Variants in ZNF277 observed in about 807,000 individuals in gnomAD.
ZNF277 encodes the protein nuclear receptor-interacting factor 4.
In ZNF277, 55 loss-of-function variants were observed where a neutral mutation model predicts 60.7. The observed-to-expected ratio is 0.91, with a 90% CI of 0.73 to 1.13. ZNF277 has a LOEUF of 1.13. Among genes scored for constraint, ZNF277 ranks in the 50% most tolerant of loss-of-function variants. The probability of loss-of-function intolerance (pLI) is 0.00; values close to 1 mark genes in which losing one functional copy is unlikely to be tolerated. For missense variants in ZNF277, 510 were observed against 523.0 expected (o/e 0.98, Z 0.24); for synonymous variants, 178 against 179.3 (o/e 0.99, Z 0.06).
intron 4 of ZNF277, among the ~76,000 whole-genome samples, chr7:112,304,989 A>T (rs1335585232): frequency 2.0e-5 from 3 of 152,134 alleles, no homozygotes; most frequent in African/African-American, 7.2e-5. Context: ...TCCTGTGCTT[A>T]CTGTACTCCA....
At chr7:112,206,854 T>A (rs773992678) in intron 1 of ZNF277, 47 bp downstream of exon 1, 1 of 1,583,646 alleles carries the variant, frequency 6.3e-7, no homozygotes. Context: ...TTCCTTTCTC[T>A]ATGACCGGGT....
intron 1 of ZNF277, among the ~76,000 whole-genome samples, chr7:112,245,783 A>G (rs1046267613): frequency 3.9e-5 from 6 of 152,032 alleles, no homozygotes; most frequent in African/African-American, 9.7e-5. Context: ...ATGACCTCCA[A>G]TGGCCTCATT....
chr7:112,232,867 GCATAT>G (rs1822377838), intron 1 of ZNF277, among the ~76,000 whole-genome samples: 1 of 152,026 alleles, frequency 6.6e-6, no homozygotes, highest in East Asian at 1.9e-4. Context: ...CATTATCTCT[GCATAT>G]TTTGAAAAAG....
intron 1 of ZNF277, among the ~76,000 whole-genome samples, chr7:112,263,856 A>G (rs1369597869): frequency 6.6e-6 from 1 of 152,156 alleles, no homozygotes; most frequent in African/African-American, 2.4e-5. Context: ...AAATGTGCAT[A>G]TAAATATACA....
chr7:112,246,428 A>G (rs1791088225), intron 1 of ZNF277, among the ~76,000 whole-genome samples: 1 of 152,126 alleles, frequency 6.6e-6, no homozygotes, highest in Admixed American at 6.6e-5. Flanking sequence ...CAACCAAGGT[A>G]AGTATATGGC....
At chr7:112,287,122 G>T (rs780771150) in intron 2 of ZNF277, 48 bp downstream of exon 2, 43 of 1,592,142 alleles carry the variant, frequency 2.7e-5, no homozygotes, top group Non-Finnish European at 3.5e-5. Context: ...ACCATGTGTG[G>T]TGGCTCATGT....
rs889986554 is a variant in ZNF277 at position 112,286,932 on chromosome 7, A to C, written c.151A>C (p.Thr51Pro). Residue 51 changes from threonine to proline, a missense_variant, in exon 2 of 12, where the codon ACT becomes CCT. By Grantham distance (38) the Thr-to-Pro change is conservative (BLOSUM62 -1). Coordinates refer to ENST00000361822, the MANE Select transcript of ZNF277 (RefSeq NM_021994.3). ...GCCAGAAAGTCCAGGTGGCACCACC[A>C]CTTTAGAAGGTTCTCCATCTGTGCC... ...SLPESPGGTT[T>P]LEGSPSVPCI... 1 of 1,601,562 alleles carries C rather than the reference A, an allele frequency of 6.2e-7. No homozygotes were observed. The highest frequency in any genetic ancestry group is 1.4e-5 in the African/African-American group (1 of 71,146).
intron 9 of ZNF277, 30 bp from the exon 10 acceptor site, chr7:112,339,813 T>C (rs746070775): frequency 5.6e-6 from 9 of 1,596,984 alleles, no homozygotes; most frequent in African/African-American, 1.3e-5. Context: ...ATAATTCATA[T>C]GCTTACAGAT....
At chr7:112,259,641 A>G (rs1179957685) in intron 1 of ZNF277, among the ~76,000 whole-genome samples, 1 of 152,202 alleles carries the variant, frequency 6.6e-6, no homozygotes, top group African/African-American at 2.4e-5. Flanking sequence ...TTTAAAAAGA[A>G]AGAAAGAAAG....
intron 4 of ZNF277, among the ~76,000 whole-genome samples, chr7:112,313,209 G>C (rs1425451021): frequency 1.3e-5 from 2 of 151,810 alleles, no homozygotes; most frequent in Non-Finnish European, 2.9e-5. Context: ...ATTATGACTT[G>C]CATCTTCTAT....
At chr7:112,325,998 A>G (rs1349927630) in intron 5 of ZNF277, among the ~76,000 whole-genome samples, 1 of 152,090 alleles carries the variant, frequency 6.6e-6, no homozygotes, top group East Asian at 1.9e-4. Flanking sequence ...CCAGGAGCCA[A>G]CCACTGGCCT....
chr7:112,241,499 G>A (rs773886211), intron 1 of ZNF277, among the ~76,000 whole-genome samples: 6 of 152,132 alleles, frequency 3.9e-5, no homozygotes, highest in Admixed American at 6.5e-5. Flanking sequence ...GCTCCTAGGT[G>A]TATACCCAAA....
chr7:112,255,542 C>T (rs1339705722), intron 1 of ZNF277, among the ~76,000 whole-genome samples: 2 of 152,192 alleles, frequency 1.3e-5, no homozygotes, highest in African/African-American at 4.8e-5. Context: ...ATATAAAGAG[C>T]TAAACAGGAT....
At chr7:112,255,056 A>G (rs1411853152) in intron 1 of ZNF277, among the ~76,000 whole-genome samples, 1 of 152,106 alleles carries the variant, frequency 6.6e-6, no homozygotes, top group African/African-American at 2.4e-5. Flanking sequence ...TCAACTATAA[A>G]AGTGTGTGGT....
intron 2 of ZNF277, among the ~76,000 whole-genome samples, chr7:112,289,499 GCTC>G (rs1792155668): frequency 2.0e-5 from 3 of 152,118 alleles, no homozygotes; most frequent in Non-Finnish European, 4.4e-5. Flanking sequence ...CATACTCTCT[GCTC>G]CTCATTATCA....
chr7:112,303,462 AC>A (rs2117088622), intron 4 of ZNF277, among the ~76,000 whole-genome samples: 1 of 152,130 alleles, frequency 6.6e-6, no homozygotes, highest in African/African-American at 2.4e-5. Flanking sequence ...TTAAAACTGT[AC>A]CTGACCTTGA....
intron 1 of ZNF277, among the ~76,000 whole-genome samples, chr7:112,259,122 T>G (rs972449582): frequency 2.6e-5 from 4 of 152,188 alleles, no homozygotes; most frequent in Non-Finnish European, 1.5e-5. Context: ...GCTAATGAAT[T>G]GATTCATTCA....
intron 2 of ZNF277, among the ~76,000 whole-genome samples, chr7:112,291,933 T>C (rs1220623567): frequency 6.6e-6 from 1 of 151,364 alleles, no homozygotes; most frequent in Non-Finnish European, 1.5e-5. Context: ...TAACAGATGA[T>C]TTTTTTTTCT....
chr7:112,213,194 C>T (rs966670377), intron 1 of ZNF277, among the ~76,000 whole-genome samples: 1 of 152,166 alleles, frequency 6.6e-6, no homozygotes, highest in African/African-American at 2.4e-5. Flanking sequence ...CACAAGCTCT[C>T]TCTTTGCTGC....
Sources: gnomAD v4.1 joint callset for allele counts (sites outside exome capture counted in the v4.1 genomes callset) on GRCh38, gnomAD v4.1.1 for gene constraint, MANE v1.5 for transcripts, NCBI Gene and HGNC (gene_info 2026-07-23, HGNC 2026-07-21) for gene names.